PTPN3: variants seen among roughly 807,000 people sequenced by gnomAD.
PTPN3 encodes the protein protein tyrosine phosphatase non-receptor type 3, also known as tyrosine-protein phosphatase non-receptor type 3.
PTPN3 carries 96 observed loss-of-function variants against 132.7 expected under a neutral mutation model. The ratio of observed to expected loss-of-function variants is 0.72; its 90% confidence interval spans 0.61 to 0.86. The LOEUF is 0.86. PTPN3 is among the 40% of genes least tolerant of loss of function. The pLI is 0.00. For synonymous variants in PTPN3, 398 were observed against 429.0 expected (o/e 0.93, Z 0.89); for missense variants, 1,125 against 1,159.6 (o/e 0.97, Z 0.43).
chr9:109,391,028 G>T, intron 21 of PTPN3, 110 bp downstream of exon 21: 1 of 930,980 alleles, frequency 1.1e-6, no homozygotes, highest in South Asian at 1.5e-5. Flanking sequence ...GCTGAAATGC[G>T]GTGGTGAACG....
the PTPN3 span, among the ~76,000 whole-genome samples, chr9:109,535,170 T>C: frequency 6.6e-6 from 1 of 152,228 alleles, no homozygotes; most frequent in Non-Finnish European, 1.5e-5. Flanking sequence ...TCAGTTAATA[T>C]TCCTGAGTTT....
At chr9:109,432,585 G>A (rs1163083233) in intron 10 of PTPN3, among the ~76,000 whole-genome samples, 1 of 152,198 alleles carries the variant, frequency 6.6e-6, no homozygotes, top group African/African-American at 2.4e-5. Context: ...ATGCGGGACA[G>A]GCTGGCCTAC....
At chr9:109,534,632 C>CAAAAAAAAAA in the PTPN3 span, among the ~76,000 whole-genome samples, 398 of 108,244 alleles carry the variant, frequency 3.7e-3, no homozygotes, top group East Asian at 6.1e-3. Context: ...CAAAAAAATA[C>CAAAAAAAAAA]AAAAAAAAAA....
chr9:109,473,505 A>G (rs1259000494), intron 1 of PTPN3, among the ~76,000 whole-genome samples: 1 of 152,238 alleles, frequency 6.6e-6, no homozygotes, highest in Non-Finnish European at 1.5e-5. Flanking sequence ...AAGAAGTAGT[A>G]GTTTTAAGCT....
chr9:109,429,809 G>A (rs1395961650), intron 10 of PTPN3, among the ~76,000 whole-genome samples: 12 of 152,148 alleles, frequency 7.9e-5, no homozygotes, highest in Non-Finnish European at 1.8e-4. Flanking sequence ...CATACAAAGG[G>A]TGCATATTTC....
At chr9:109,454,427 G>T in intron 5 of PTPN3, 69 bp downstream of exon 5, 1 of 1,290,800 alleles carries the variant, frequency 7.7e-7, no homozygotes, top group Non-Finnish European at 1.1e-6. Flanking sequence ...GTAATAAAAT[G>T]AAGAGTACAT....
At chr9:109,503,354 G>A in the PTPN3 span, among the ~76,000 whole-genome samples, 5 of 150,356 alleles carry the variant, frequency 3.3e-5, no homozygotes, top group African/African-American at 1.0e-4. Flanking sequence ...TCCTGGACTC[G>A]ATGAATCTCA....
chr9:109,388,532 A>C (rs1266261747), intron 22 of PTPN3, among the ~76,000 whole-genome samples: 1 of 152,196 alleles, frequency 6.6e-6, no homozygotes, highest in Non-Finnish European at 1.5e-5. Flanking sequence ...ATCAACAAAA[A>C]AGAGGGGCTG....
chr9:109,472,425 T>A, intron 1 of PTPN3, among the ~76,000 whole-genome samples: 1 of 152,256 alleles, frequency 6.6e-6, no homozygotes, highest in East Asian at 1.9e-4. Context: ...TTAAAAATGT[T>A]ATTTAATATT....
At chr9:109,460,028 T>A (rs1845763085) in intron 2 of PTPN3, among the ~76,000 whole-genome samples, 1 of 151,982 alleles carries the variant, frequency 6.6e-6, no homozygotes, top group African/African-American at 2.4e-5. Context: ...ACCTCCTGAC[T>A]CTTCTATCTC....
chr9:109,533,601 G>T, the PTPN3 span: 1 of 1,559,480 alleles, frequency 6.4e-7, no homozygotes, highest in South Asian at 1.1e-5. Flanking sequence ...CTGCGGAATC[G>T]TGGTCTATAT....
At chr9:109,455,634 GTCC>G (rs1394502269) in intron 4 of PTPN3, among the ~76,000 whole-genome samples, 1 of 152,228 alleles carries the variant, frequency 6.6e-6, no homozygotes, top group East Asian at 1.9e-4. Context: ...GGAGAACAAT[GTCC>G]TCCTGCTGCC....
At chr9:109,510,572 A>C in the PTPN3 span, among the ~76,000 whole-genome samples, 14 of 55,210 alleles carry the variant, frequency 2.5e-4, no homozygotes, top group Middle Eastern at 0.013. Flanking sequence ...AAAAAAAAAA[A>C]AAAAATATAT....
Position 109,389,277 on chromosome 9 carries a change from ACTT to A in PTPN3, c.2206_2208del (p.Lys736del). On this transcript the variant is annotated inframe_deletion, in exon 22 of 26. Transcript: ENST00000374541. The stretch of plus-strand genomic sequence containing the variant: ...GTCGTCAACATGACAATGAGTGACA[ACTT>A]CTGATCCCAGACAACCTGCCAAAAC... 1 of 1,614,208 alleles carries A rather than the reference ACTT, an allele frequency of 6.2e-7. No homozygotes were observed. Among genetic ancestry groups the A allele is most frequent in the Non-Finnish European group, 8.5e-7 (1 of 1,180,028 alleles).
chr9:109,465,467 TGGGA>T (rs1249179060), intron 1 of PTPN3, among the ~76,000 whole-genome samples: 1 of 152,052 alleles, frequency 6.6e-6, no homozygotes, highest in Non-Finnish European at 1.5e-5. Context: ...CCCAGCACTT[TGGGA>T]GGCTGAAGCA....
chr9:109,404,859 G>A (rs1373930707), intron 18 of PTPN3, among the ~76,000 whole-genome samples: 1 of 152,122 alleles, frequency 6.6e-6, no homozygotes, highest in East Asian at 1.9e-4. Flanking sequence ...AACACTCAGA[G>A]GCTTTTGTCA....
At chr9:109,421,613 G>A (rs1018428640) in intron 13 of PTPN3, among the ~76,000 whole-genome samples, 1 of 152,236 alleles carries the variant, frequency 6.6e-6, no homozygotes, top group African/African-American at 2.4e-5. Context: ...TGCTGCCGAT[G>A]AGATTTTCAG....
At chr9:109,503,919 C>G in the PTPN3 span, among the ~76,000 whole-genome samples, 4 of 152,196 alleles carry the variant, frequency 2.6e-5, no homozygotes, top group African/African-American at 9.6e-5. Context: ...GTGAACAAAA[C>G]AAAAATATCC....
intron 1 of PTPN3, among the ~76,000 whole-genome samples, chr9:109,496,884 G>A (rs1186324610): frequency 1.3e-5 from 2 of 152,184 alleles, no homozygotes. Flanking sequence ...AATAGTGCAA[G>A]GCTGAGAAAC....
Sources: allele counts gnomAD v4.1 joint callset (sites outside exome capture counted in the v4.1 genomes callset), GRCh38; gene constraint gnomAD v4.1.1; transcripts MANE v1.5; gene names NCBI Gene and HGNC (gene_info 2026-07-23, HGNC 2026-07-21).